MYO16: variants seen among roughly 807,000 people sequenced by gnomAD.
The protein encoded by MYO16 is unconventional myosin-XVI.
In MYO16, 94 loss-of-function variants were observed where a neutral mutation model predicts 205.3. That is an observed-to-expected ratio of 0.46 (90% CI 0.39 to 0.54). MYO16 has a LOEUF of 0.54. MYO16 is among the 20% of genes least tolerant of loss of function. The pLI, the probability that MYO16 is intolerant of heterozygous loss-of-function variation, is 0.00. For synonymous variants in MYO16, 988 were observed against 954.0 expected (o/e 1.04, Z -0.66); for missense variants, 2,315 against 2,387.5 (o/e 0.97, Z 0.63).
chr13:109,029,117 T>C (rs1032559913), intron 23 of MYO16, among the ~76,000 whole-genome samples: 8 of 125,912 alleles, frequency 6.4e-5, no homozygotes, highest in South Asian at 2.5e-4. Flanking sequence ...CTTTTCTTTT[T>C]TTTTTTTTTT....
In MYO16 at chr13:108,763,491, GT is replaced by G. The variant is rs1458881378; in HGVS notation, c.508-22143del. Among the ~76,000 whole-genome samples, 7 of 152,288 alleles carry G rather than the reference GT, an allele frequency of 4.6e-5. No individual in the cohort carries two copies. The East Asian group carries it at 1.3e-3, about 29-fold the overall frequency. ...GAAAGTGATTGTGGTGTTCAGAATG[GT>G]GATGAAGGAAATGAAGAAAATATTC... On this transcript the variant is annotated intron_variant, in intron 4 of 34. Transcript: ENST00000457511.
At chr13:109,008,542 ACTATCTTGTGTATGCACTACTGTACTAT>A (rs1885479124) in intron 21 of MYO16, among the ~76,000 whole-genome samples, 1 of 109,718 alleles carries the variant, frequency 9.1e-6, no homozygotes, top group African/African-American at 3.9e-5. Flanking sequence ...GCACTACTGT[ACTATCTTGTGTATGCACTACTGTACTAT>A]CTATCTTGTG....
rs372465103 is a variant in MYO16, at chr13:108,639,502, C to A, written c.28+9630C>A. On this transcript the variant is annotated intron_variant, in intron 1 of 34. Coordinates refer to ENST00000457511, the MANE Select transcript of MYO16 (RefSeq NM_001198950.3). ...CCCTGTATCTTATCAGCACTTCAAA[C>A]CTGCACTGTCCAGACTGAATCTATG... Among the ~76,000 whole-genome samples, 298 of 152,274 alleles carry A rather than the reference C, an allele frequency of 2.0e-3. 8 individuals are homozygous for A. In the South Asian group the frequency reaches 0.06, roughly 31 times the overall value.
At chr13:108,542,010 G>A in the MYO16 span, among the ~76,000 whole-genome samples, 1 of 152,084 alleles carries the variant, frequency 6.6e-6, no homozygotes, top group Admixed American at 6.5e-5. Context: ...ACACATGCAT[G>A]CTTATGTTCA....
chr13:108,983,685 A>C (rs2139419947), intron 20 of MYO16, among the ~76,000 whole-genome samples: 1 of 152,326 alleles, frequency 6.6e-6, no homozygotes, highest in Non-Finnish European at 1.5e-5. Flanking sequence ...GACCTCTCCC[A>C]GCTTGTTGCT....
intron 7 of MYO16, among the ~76,000 whole-genome samples, chr13:108,814,815 G>A (rs907091234): frequency 1.3e-5 from 2 of 152,132 alleles, no homozygotes; most frequent in African/African-American, 4.8e-5. Flanking sequence ...GAGATCTCTT[G>A]GAATGCCTGG....
intron 34 of MYO16, among the ~76,000 whole-genome samples, chr13:109,191,010 A>G (rs1057159971): frequency 3.3e-5 from 5 of 152,050 alleles, no homozygotes; most frequent in African/African-American, 1.2e-4. Context: ...TCTGTGGTCA[A>G]GAGTTCGAGA....
chr13:108,868,845 G>A (rs556333646), intron 12 of MYO16, among the ~76,000 whole-genome samples: 10 of 151,678 alleles, frequency 6.6e-5, no homozygotes, highest in East Asian at 5.9e-4. Context: ...GCTTGAACCC[G>A]GGTGGCAGAG....
the MYO16 span, among the ~76,000 whole-genome samples, chr13:108,548,484 C>T: frequency 1.3e-5 from 2 of 148,642 alleles, no homozygotes; most frequent in Non-Finnish European, 3.0e-5. Context: ...GATGATGATG[C>T]TGGTGGTAGT....
intron 10 of MYO16, 94 bp downstream of exon 10, chr13:108,844,587 A>C: frequency 1.6e-6 from 2 of 1,271,216 alleles, no homozygotes; most frequent in Non-Finnish European, 2.1e-6. Context: ...ATGCGCACTA[A>C]TTTGCATTCA....
In MYO16 at chr13:108,823,293, G is replaced by A. The variant is rs763189771; in HGVS notation, c.1097+15G>A. 5.0e-6 allele frequency: 8 copies of A among 1,585,116 alleles called. No homozygotes were observed. The South Asian group carries it at 7.0e-5, about 14-fold the overall frequency. On this transcript the variant is annotated intron_variant, in intron 9 of 34. Coordinates refer to ENST00000457511, the MANE Select transcript of MYO16 (RefSeq NM_001198950.3). Reference sequence around the variant, plus strand: ...TCGAGTAAGCTGTAAGTGTCTTCCTGCTTATTCTCTTTTGCCATCTTCTCT... The same window carrying A: ...TCGAGTAAGCTGTAAGTGTCTTCCTACTTATTCTCTTTTGCCATCTTCTCT...
At chr13:108,795,441 C>A (rs1268898312) in intron 6 of MYO16, among the ~76,000 whole-genome samples, 1 of 152,090 alleles carries the variant, frequency 6.6e-6, no homozygotes, top group East Asian at 1.9e-4. Flanking sequence ...ATCTTCTGAC[C>A]TCGTGATCCG....
chr13:108,639,604 A>T (rs1473635116), intron 1 of MYO16, among the ~76,000 whole-genome samples: 1 of 152,196 alleles, frequency 6.6e-6, no homozygotes, highest in East Asian at 1.9e-4. Context: ...TTTTCTAAGG[A>T]CTTTTTCTGA....
At position 108,844,250 on chromosome 13, in the gene MYO16, C is replaced by T. The variant is rs1221946686; in HGVS notation, c.1098-93C>T. 3.0e-6 allele frequency: 3 copies of T among 985,230 alleles called. No individual in the cohort carries two copies. The East Asian group carries it at 8.7e-5, about 29-fold the overall frequency. The allele number at this position is 985,230 out of a possible 1,614,324, so 61.0% of individuals were successfully genotyped here. ...GAAATATTTCTTATCTGAATAAAACCACCGTCATAGTCCAACTATCCTGTA... is the reference window on the plus strand; with the variant it reads ...GAAATATTTCTTATCTGAATAAAACTACCGTCATAGTCCAACTATCCTGTA... On this transcript the variant is annotated intron_variant, in intron 9 of 34. Coordinates refer to ENST00000457511, the MANE Select transcript of MYO16 (RefSeq NM_001198950.3).
At chr13:108,615,151 CAT>C (rs1879306808) in intron 1 of MYO16, among the ~76,000 whole-genome samples, 1 of 151,964 alleles carries the variant, frequency 6.6e-6, no homozygotes, top group Non-Finnish European at 1.5e-5. Flanking sequence ...GGACGTGAAT[CAT>C]ATGTTTCCAA....
chr13:109,071,242 G>A (rs895257279), intron 27 of MYO16, among the ~76,000 whole-genome samples: 3 of 151,976 alleles, frequency 2.0e-5, no homozygotes, highest in African/African-American at 7.3e-5. Context: ...TCGCATTTAT[G>A]ACAAAACATC....
the MYO16 span, among the ~76,000 whole-genome samples, chr13:108,563,257 A>G: frequency 5.6e-3 from 847 of 152,282 alleles, 4 homozygotes; most frequent in Non-Finnish European, 9.0e-3. Context: ...TGATACAGGC[A>G]TGCAATGCAT....
At chr13:108,790,258 G>A (rs928025333) in intron 5 of MYO16, among the ~76,000 whole-genome samples, 2 of 152,184 alleles carry the variant, frequency 1.3e-5, no homozygotes, top group Non-Finnish European at 2.9e-5. Flanking sequence ...CCTTAAGAGG[G>A]ACGGTTAAGG....
At position 109,207,158 on chromosome 13, in the gene MYO16, A is replaced by G. The variant is rs1880637946; in HGVS notation, c.*322A>G. 3.1e-6 allele frequency: 1 copy of G among 317,488 alleles called. No individual in the cohort carries two copies. Among genetic ancestry groups the G allele is most frequent in the African/African-American group, 2.1e-5 (1 of 47,558 alleles). 19.7% of individuals were successfully genotyped at this position (317,488 alleles called of 1,614,324 possible). A position where few individuals can be genotyped will look rare whatever the true frequency, so the allele number is the denominator to read the frequency against. ...GGCCAGAGCGAGAGAGTAGCGGAGG[A>G]AAGGAGCAATCCATGCACACTCTGT... On this transcript the variant is annotated 3_prime_UTR_variant, in exon 35 of 35. Coordinates refer to ENST00000457511, the MANE Select transcript of MYO16 (RefSeq NM_001198950.3).
Sources: allele counts gnomAD v4.1 joint callset (sites outside exome capture counted in the v4.1 genomes callset), GRCh38; gene constraint gnomAD v4.1.1; transcripts MANE v1.5; gene names NCBI Gene and HGNC (gene_info 2026-07-23, HGNC 2026-07-21).